ASAP1: variants seen among roughly 807,000 people sequenced by gnomAD.
ASAP1 encodes ArfGAP with SH3 domain, ankyrin repeat and PH domain 1.
Under a neutral mutation model 145.2 loss-of-function variants are expected in ASAP1, and 43 were observed. The ratio of observed to expected loss-of-function variants is 0.30; its 90% CI spans 0.23 to 0.38. ASAP1 has a LOEUF of 0.38. ASAP1 is among the 10% of genes least tolerant of loss of function. The pLI, the probability that ASAP1 is intolerant of heterozygous loss-of-function variation, is 1.00. For synonymous variants in ASAP1, 546 were observed against 515.5 expected, an observed-to-expected ratio of 1.06 and a Z score of -0.80; for missense variants, 1,018 against 1,355.3, an observed-to-expected ratio of 0.75 and a Z score of 3.91.
At chr8:130,142,652 C>T (rs2097614968) in intron 13 of ASAP1, among the ~76,000 whole-genome samples, 1 of 152,136 alleles carries the variant, frequency 6.6e-6, no homozygotes, top group African/African-American at 2.4e-5. Context: ...GCAGCCTCAA[C>T]CTTCAGAGAG....
chr8:130,350,322 C>T (rs76348049), intron 3 of ASAP1, among the ~76,000 whole-genome samples: 2 of 152,286 alleles, frequency 1.3e-5, no homozygotes, highest in East Asian at 3.9e-4. Context: ...GGTTGGGCAG[C>T]CCTGAATTCA....
At chr8:130,215,624 A>G (rs1311058240) in intron 4 of ASAP1, among the ~76,000 whole-genome samples, 1 of 152,088 alleles carries the variant, frequency 6.6e-6, no homozygotes. Flanking sequence ...GGTGCCTGTA[A>G]TCCCAGCTAC....
chr8:130,289,273 A>G (rs1291205057), intron 3 of ASAP1, among the ~76,000 whole-genome samples: 1 of 152,242 alleles, frequency 6.6e-6, no homozygotes, highest in Admixed American at 6.5e-5. Flanking sequence ...GTTATAATGA[A>G]TAAGAAGGCG....
At chr8:130,199,110 GT>G (rs1815699459) in intron 5 of ASAP1, among the ~76,000 whole-genome samples, 1 of 152,128 alleles carries the variant, frequency 6.6e-6, no homozygotes, top group Non-Finnish European at 1.5e-5. Flanking sequence ...CTAACCTCCT[GT>G]TACTCTGGAC....
chr8:130,414,646 A>G (rs1224141940), intron 1 of ASAP1, among the ~76,000 whole-genome samples: 3 of 152,128 alleles, frequency 2.0e-5, no homozygotes, highest in Admixed American at 2.0e-4. Context: ...GCCTCAAAAT[A>G]TTGCAAATGT....
chr8:130,159,033 G>A (rs1170523817), intron 12 of ASAP1, among the ~76,000 whole-genome samples: 1 of 151,752 alleles, frequency 6.6e-6, no homozygotes, highest in Non-Finnish European at 1.5e-5. Context: ...GCCCGGCTGT[G>A]CTTTATGATT....
chr8:130,063,447 A>C (rs532809437), intron 27 of ASAP1, among the ~76,000 whole-genome samples: 1 of 152,278 alleles, frequency 6.6e-6, no homozygotes, highest in African/African-American at 2.4e-5. Context: ...CTTTGGTGTG[A>C]CAATGTGACT....
intron 3 of ASAP1, among the ~76,000 whole-genome samples, chr8:130,276,775 G>T (rs1318889448): frequency 8.2e-6 from 1 of 122,554 alleles, no homozygotes; most frequent in Non-Finnish European, 1.7e-5. Flanking sequence ...TAACAAAAAA[G>T]CTCCATGGCA....
chr8:130,110,892 T>C (rs1468121942), intron 24 of ASAP1, among the ~76,000 whole-genome samples: 1 of 152,124 alleles, frequency 6.6e-6, no homozygotes, highest in African/African-American at 2.4e-5. Flanking sequence ...ATGAAACCTG[T>C]GGGAGCACGA....
At chr8:130,227,044 T>A (rs1817623975) in intron 4 of ASAP1, among the ~76,000 whole-genome samples, 1 of 152,186 alleles carries the variant, frequency 6.6e-6, no homozygotes, top group South Asian at 2.1e-4. Flanking sequence ...CAAACTTTCA[T>A]CAAGCACCTA....
intron 3 of ASAP1, among the ~76,000 whole-genome samples, chr8:130,339,211 C>T (rs559627507): frequency 6.6e-6 from 1 of 152,336 alleles, no homozygotes; most frequent in South Asian, 2.1e-4. Context: ...CACCCACCCT[C>T]TCTAAAGTTT....
At chr8:130,155,459 C>G (rs1405347308) in intron 12 of ASAP1, among the ~76,000 whole-genome samples, 1 of 152,190 alleles carries the variant, frequency 6.6e-6, no homozygotes, top group Non-Finnish European at 1.5e-5. Flanking sequence ...CTTGACCTCC[C>G]AGGCTCAAGC....
At chr8:130,370,430 G>C (rs1292675909) in intron 2 of ASAP1, among the ~76,000 whole-genome samples, 1 of 152,156 alleles carries the variant, frequency 6.6e-6, no homozygotes, top group Non-Finnish European at 1.5e-5. Flanking sequence ...CAACCATGCT[G>C]GTACCCTGAT....
chr8:130,172,340 G>A (rs977530511), intron 9 of ASAP1, among the ~76,000 whole-genome samples: 8 of 152,062 alleles, frequency 5.3e-5, no homozygotes, highest in Admixed American at 2.0e-4. Context: ...AGTTTTGCTC[G>A]GGTGACAGGT....
intron 3 of ASAP1, among the ~76,000 whole-genome samples, chr8:130,345,578 G>T (rs1825658464): frequency 6.6e-6 from 1 of 152,126 alleles, no homozygotes; most frequent in African/African-American, 2.4e-5. Flanking sequence ...GGGAGGTGGG[G>T]GCTATGGAGC....
chr8:130,155,772 C>T lies in ASAP1; in HGVS notation c.1011-2967G>A, dbSNP rs536186650. ...TTTACAAATGTTCCAGTCTGCATAG[C>T]TCCTGAATGGACATACCAAAGACTC... On this transcript the variant is annotated intron_variant, in intron 12 of 29. Coordinates refer to ENST00000518721, the MANE Select transcript of ASAP1 (RefSeq NM_018482.4). Among the ~76,000 whole-genome samples the T allele has an allele frequency of 2.0e-5, 3 of 152,352 alleles. No homozygotes were observed. The South Asian group carries it at 6.2e-4, about 32-fold the overall frequency.
chr8:130,327,752 A>G (rs1824429975), intron 3 of ASAP1, among the ~76,000 whole-genome samples: 1 of 152,174 alleles, frequency 6.6e-6, no homozygotes, highest in South Asian at 2.1e-4. Context: ...AAGGATTTGG[A>G]GGAAAATGAG....
chr8:130,301,013 C>T (rs1822627557), intron 3 of ASAP1, among the ~76,000 whole-genome samples: 1 of 152,102 alleles, frequency 6.6e-6, no homozygotes. Flanking sequence ...GCTGACAAAG[C>T]CATAATGGGG....
At chr8:130,086,242 G>A (rs151334961) in intron 25 of ASAP1, among the ~76,000 whole-genome samples, 1 of 152,310 alleles carries the variant, frequency 6.6e-6, no homozygotes, top group Admixed American at 6.5e-5. Flanking sequence ...GGTGAATCCT[G>A]GCCCCCACGT....
Sources: allele counts gnomAD v4.1 joint callset (sites outside exome capture counted in the v4.1 genomes callset), GRCh38; gene constraint gnomAD v4.1.1; transcripts MANE v1.5; gene names NCBI Gene and HGNC (gene_info 2026-07-23, HGNC 2026-07-21).